Variants in SLC25A26 observed in about 807,000 individuals in gnomAD.
SLC25A26 encodes the protein solute carrier family 25 member 26.
Under a neutral mutation model 37.8 loss-of-function variants are expected in SLC25A26, and 36 were observed. That is an observed-to-expected ratio of 0.95 (90% CI 0.73 to 1.26). The LOEUF (loss-of-function observed/expected upper bound fraction) is 1.26. SLC25A26 is among the 50% of genes most tolerant of loss of function. The pLI, the probability that SLC25A26 is intolerant of heterozygous loss-of-function variation, is 0.00. For missense variants in SLC25A26, 390 were observed against 331.1 expected (o/e 1.18, Z -1.38); for synonymous variants, 129 against 122.5 (o/e 1.05, Z -0.35).
At chr3:66,200,065 AC>A (rs2071089821) in intron 1 of SLC25A26, among the ~76,000 whole-genome samples, 1 of 152,222 alleles carries the variant, frequency 6.6e-6, no homozygotes, top group Non-Finnish European at 1.5e-5. Flanking sequence ...TTTCAAATAT[AC>A]TGCTTTGATT....
intron 1 of SLC25A26, among the ~76,000 whole-genome samples, chr3:66,211,831 C>A (rs1440075471): frequency 6.6e-6 from 1 of 151,946 alleles, no homozygotes; most frequent in African/African-American, 2.4e-5. Flanking sequence ...TAAAAATGAC[C>A]ATTTTAACCA....
intron 1 of SLC25A26, among the ~76,000 whole-genome samples, chr3:66,221,376 C>T (rs1213261524): frequency 3.3e-5 from 5 of 152,206 alleles, no homozygotes; most frequent in African/African-American, 1.2e-4. Flanking sequence ...CTTTTGCACC[C>T]TCATTTACTT....
chr3:66,165,379 A>G (rs1464914596), intron 1 of SLC25A26, among the ~76,000 whole-genome samples: 1 of 152,224 alleles, frequency 6.6e-6, no homozygotes, highest in East Asian at 1.9e-4. Context: ...GAGATAATAC[A>G]GATCTATTAC....
At chr3:66,343,771 C>T (rs1559720253) in intron 5 of SLC25A26, among the ~76,000 whole-genome samples, 2 of 152,050 alleles carry the variant, frequency 1.3e-5, no homozygotes, top group Non-Finnish European at 1.5e-5. Flanking sequence ...TACTGTCAGT[C>T]TTTTGGGGCA....
intron 7 of SLC25A26, among the ~76,000 whole-genome samples, chr3:66,367,697 CAGACAGACACAGAG>C (rs2076853570): frequency 2.1e-5 from 3 of 143,502 alleles, no homozygotes; most frequent in African/African-American, 8.7e-5. Context: ...GACAGACAGA[CAGACAGACACAGAG>C]AGAGAGAGAG....
chr3:66,320,555 A>G (rs1251489826), intron 5 of SLC25A26, among the ~76,000 whole-genome samples: 4 of 152,192 alleles, frequency 2.6e-5, no homozygotes. Context: ...AATGGTATGC[A>G]AGGTTCTGTC....
At chr3:66,295,929 C>T (rs533336943) in intron 5 of SLC25A26, among the ~76,000 whole-genome samples, 1 of 151,966 alleles carries the variant, frequency 6.6e-6, no homozygotes, top group African/African-American at 2.4e-5. Context: ...CCAGCCTGAC[C>T]AACATGGTGA....
rs2070874319 is a variant in SLC25A26, at chr3:66,188,558, A to G, written c.-353-32184A>G. Among the ~76,000 whole-genome samples the G allele has an allele frequency of 3.9e-5, 6 of 152,044 alleles. No individual in the cohort carries two copies. The South Asian group carries it at 1.2e-3, about 32-fold the overall frequency. ...CCCTCTCTCTCCATGTGATCTCTGC[A>G]CATGTGACTCCCCTTTGCCTTCTTC... On this transcript the variant is annotated intron_variant, in intron 1 of 10. Transcript: ENST00000676754.
intron 5 of SLC25A26, among the ~76,000 whole-genome samples, chr3:66,285,263 T>G (rs1272845286): frequency 6.6e-6 from 1 of 151,990 alleles, no homozygotes; most frequent in African/African-American, 2.4e-5. Flanking sequence ...TGTTAAACAT[T>G]ATTATTATTT....
At chr3:66,231,929 C>T (rs962213483) in intron 1 of SLC25A26, among the ~76,000 whole-genome samples, 3 of 152,052 alleles carry the variant, frequency 2.0e-5, no homozygotes, top group African/African-American at 7.2e-5. Context: ...AGCCACTGCA[C>T]CCAGCCTACC....
At chr3:66,289,462 C>G (rs1049738222) in intron 5 of SLC25A26, among the ~76,000 whole-genome samples, 1 of 152,210 alleles carries the variant, frequency 6.6e-6, no homozygotes, top group South Asian at 2.1e-4. Flanking sequence ...TTAGGTCTAA[C>G]GTTTAAGTCT....
intron 5 of SLC25A26, among the ~76,000 whole-genome samples, chr3:66,295,466 C>T (rs191182501): frequency 2.7e-4 from 39 of 142,676 alleles, no homozygotes; most frequent in African/African-American, 7.1e-4. Flanking sequence ...AGCAGTGGTA[C>T]GATCGGCTTA....
chr3:66,136,430 A>C (rs1356935247), intron 1 of SLC25A26, among the ~76,000 whole-genome samples: 1 of 152,222 alleles, frequency 6.6e-6, no homozygotes, highest in Non-Finnish European at 1.5e-5. Context: ...GAAGACATTG[A>C]AGTTTGGAGA....
intron 7 of SLC25A26, among the ~76,000 whole-genome samples, chr3:66,365,758 T>G (rs2076810158): frequency 6.6e-6 from 1 of 152,178 alleles, no homozygotes; most frequent in African/African-American, 2.4e-5. Flanking sequence ...AACACTTTCC[T>G]TCTTGTTGAT....
At chr3:66,357,763 A>AC (rs1226680465) in intron 6 of SLC25A26, among the ~76,000 whole-genome samples, 3 of 152,150 alleles carry the variant, frequency 2.0e-5, no homozygotes, top group African/African-American at 7.2e-5. Context: ...TCATTGTATT[A>AC]ACTTCAAAAT....
chr3:66,297,656 T>A (rs1479134206), intron 5 of SLC25A26, among the ~76,000 whole-genome samples: 1 of 152,196 alleles, frequency 6.6e-6, no homozygotes, highest in African/African-American at 2.4e-5. Context: ...TCACAGCCTG[T>A]TTTTGTAATA....
At chr3:66,259,544 T>C (rs2073440162) in intron 3 of SLC25A26, among the ~76,000 whole-genome samples, 2 of 152,196 alleles carry the variant, frequency 1.3e-5, no homozygotes, top group Admixed American at 1.3e-4. Flanking sequence ...AGCATCTTAC[T>C]GTCTCCCTAC....
chr3:66,377,554 T>C (rs1700744022), intron 9 of SLC25A26, 136 bp from the exon 10 acceptor site: 1 of 615,942 alleles, frequency 1.6e-6, no homozygotes, highest in Non-Finnish European at 2.9e-6. Context: ...ACTTGCCTTA[T>C]TTGGGAGCGT....
At chr3:66,278,068 A>G (rs1384581266) in intron 5 of SLC25A26, among the ~76,000 whole-genome samples, 1 of 152,146 alleles carries the variant, frequency 6.6e-6, no homozygotes, top group Non-Finnish European at 1.5e-5. Flanking sequence ...CAAAATCTGT[A>G]ATTTAGCTAT....
Sources: gnomAD v4.1 joint callset for allele counts (sites outside exome capture counted in the v4.1 genomes callset) on GRCh38, gnomAD v4.1.1 for gene constraint, MANE v1.5 for transcripts, NCBI Gene and HGNC (gene_info 2026-07-23, HGNC 2026-07-21) for gene names.